HSPA4: variants seen among roughly 807,000 people sequenced by gnomAD.
HSPA4 encodes the protein heat shock 70 kDa protein 4.
Under a neutral mutation model 106.2 loss-of-function variants are expected in HSPA4, and 25 were observed. That is an observed-to-expected ratio of 0.24 (90% CI 0.17 to 0.33). The LOEUF is 0.33. Among genes scored for constraint, HSPA4 ranks in the 10% least tolerant of loss-of-function variants. HSPA4 has a pLI of 1.00. For missense variants in HSPA4, 841 were observed against 996.0 expected, an observed-to-expected ratio of 0.84 and a Z score of 2.10; for synonymous variants, 332 against 333.6, an observed-to-expected ratio of 1.00 and a Z score of 0.05.
At chr5:133,093,602 T>C (rs997530689) in intron 13 of HSPA4, among the ~76,000 whole-genome samples, 7 of 152,084 alleles carry the variant, frequency 4.6e-5, no homozygotes, top group Non-Finnish European at 8.8e-5. Flanking sequence ...GCGATTCTTA[T>C]GCCTCAGCCT....
chr5:133,059,845 T>G (rs55914434), intron 1 of HSPA4, among the ~76,000 whole-genome samples: 42,883 of 151,960 alleles, frequency 0.28, 6,544 homozygotes, highest in African/African-American at 0.38. Flanking sequence ...AAACAAGGGA[T>G]CTTGACCTGC....
At chr5:133,072,391 T>TG (rs1184676930) in intron 4 of HSPA4, among the ~76,000 whole-genome samples, 1 of 132,242 alleles carries the variant, frequency 7.6e-6, no homozygotes, top group Non-Finnish European at 1.6e-5. Context: ...GGTCCAGGGT[T>TG]GTTTTTTTTT....
In HSPA4 at chr5:133,097,228, A is replaced by T. The variant is rs1202758001; in HGVS notation, c.1871A>T (p.Tyr624Phe). ...GATGCTAAGAACGCAGTGGAGGAAT[A>T]TGTGTATGAAATGAGAGACAAGCTT... ...RNDAKNAVEEYVYEMRDKLSG... is the reference protein window; with the variant it reads ...RNDAKNAVEEFVYEMRDKLSG... The change falls in exon 15 of 19, where the codon TAT (tyrosine) becomes TTT (phenylalanine). Residue 624 changes from tyrosine (Y) to phenylalanine (F), a missense_variant. Tyr to Phe is a conservative substitution (Grantham distance 22). Around this residue, in one of 5 missense-constraint regions of HSPA4, gnomAD observed 328 missense variants for 372.2 expected, o/e 0.88. Coordinates refer to ENST00000304858, the MANE Select transcript of HSPA4 (RefSeq NM_002154.4). 2.7e-5 allele frequency: 43 copies of T among 1,612,526 alleles called. No individual in the cohort carries two copies. The highest frequency in any genetic ancestry group is 3.5e-5 in the Non-Finnish European group (41 of 1,178,792).
At chr5:133,084,739 A>T (rs1458856905) in intron 7 of HSPA4, among the ~76,000 whole-genome samples, 1 of 152,002 alleles carries the variant, frequency 6.6e-6, no homozygotes, top group East Asian at 1.9e-4. Flanking sequence ...CGAAGTGCTG[A>T]GTTTACAGGC....
chr5:133,071,207 C>G (rs892969876), intron 4 of HSPA4, among the ~76,000 whole-genome samples: 1 of 149,838 alleles, frequency 6.7e-6, no homozygotes, highest in African/African-American at 2.5e-5. Context: ...GTGGTTTAAT[C>G]CCAGCACTGT....
At position 133,101,730 on chromosome 5, in the gene HSPA4, G is replaced by A. The variant is rs143547650; in HGVS notation, c.2038-29G>A. The A allele has an allele frequency of 8.3e-3, 13,266 of 1,599,294 alleles. 58 individuals carry two copies. The highest frequency in any genetic ancestry group is 1.0e-2 in the Non-Finnish European group (11,701 of 1,173,896). ...CAGTACTCTGGATCGTTGAACTGCC[G>A]TATGAAGACTGTGTATTCTTCTGTT... is the stretch of plus-strand genomic sequence containing the variant. On this transcript the variant is annotated intron_variant, in intron 16 of 18. Coordinates refer to ENST00000304858, the MANE Select transcript of HSPA4 (RefSeq NM_002154.4).
Position 133,090,705 on chromosome 5 carries a change from C to A in HSPA4, c.1379-488C>A, listed in dbSNP as rs185641905. Among the ~76,000 whole-genome samples, 3 of 152,216 alleles carry A rather than the reference C, an allele frequency of 2.0e-5. No homozygotes were observed. In the East Asian group the frequency reaches 5.8e-4, roughly 29 times the overall value. On this transcript the variant is annotated intron_variant, in intron 11 of 18. Transcript: ENST00000304858. ...TATTCTTTTTTCCCCATCTGTAAAT[C>A]TGTAAAACCAGGAATAACAATGATA... is the stretch of plus-strand genomic sequence containing the variant.
intron 7 of HSPA4, among the ~76,000 whole-genome samples, chr5:133,078,708 T>C (rs979008054): frequency 2.6e-5 from 4 of 151,894 alleles, no homozygotes; most frequent in African/African-American, 9.7e-5. Flanking sequence ...ATGTTCTATA[T>C]TATAGCCTTC....
intron 13 of HSPA4, among the ~76,000 whole-genome samples, 196 bp downstream of exon 13, chr5:133,092,985 AT>A (rs537301370): frequency 0.11 from 14,246 of 131,964 alleles, 1,452 homozygotes; most frequent in East Asian, 0.3. Flanking sequence ...CACGGCAGCT[AT>A]TTTTTTTTTT....
intron 7 of HSPA4, among the ~76,000 whole-genome samples, chr5:133,082,666 A>G (rs1470100509): frequency 1.3e-5 from 2 of 152,016 alleles, no homozygotes; most frequent in African/African-American, 4.8e-5. Context: ...GGATTTTGCC[A>G]TATTGCTCAG....
chr5:133,079,718 C>T (rs527966614), intron 7 of HSPA4, among the ~76,000 whole-genome samples: 3 of 152,294 alleles, frequency 2.0e-5, no homozygotes, highest in South Asian at 2.1e-4. Flanking sequence ...CAGTGATTAT[C>T]CCCACCAGCG....
At chr5:133,053,359 C>T (rs542110653) in intron 1 of HSPA4, among the ~76,000 whole-genome samples, 12 of 123,342 alleles carry the variant, frequency 9.7e-5, no homozygotes, top group Non-Finnish European at 1.8e-4. Context: ...TTTTTTGAGA[C>T]AGACAGGGTC....
At chr5:133,062,552 C>G (rs1475390787) in intron 1 of HSPA4, among the ~76,000 whole-genome samples, 1 of 152,000 alleles carries the variant, frequency 6.6e-6, no homozygotes, top group African/African-American at 2.4e-5. Context: ...GAGACATTTA[C>G]GTGGTAGTGA....
At chr5:133,076,599 T>A (rs1765448524) in intron 6 of HSPA4, 55 bp from the exon 7 acceptor site, 7 of 1,503,264 alleles carry the variant, frequency 4.7e-6, no homozygotes, top group Admixed American at 1.8e-5. Context: ...ATATATATCA[T>A]CTGTTTCAAA....
At chr5:133,088,823 T>A (rs1765610503) in intron 9 of HSPA4, among the ~76,000 whole-genome samples, 1 of 152,168 alleles carries the variant, frequency 6.6e-6, no homozygotes, top group Non-Finnish European at 1.5e-5. Flanking sequence ...TATGAAATAG[T>A]GTACATTAAT....
intron 13 of HSPA4, 32 bp from the exon 14 acceptor site, chr5:133,096,066 G>C (rs753275428): frequency 1.2e-6 from 2 of 1,600,130 alleles, no homozygotes; most frequent in Non-Finnish European, 1.7e-6. Flanking sequence ...GTCTGTATAT[G>C]TGTTTGTTCT....
intron 4 of HSPA4, among the ~76,000 whole-genome samples, chr5:133,072,540 C>CA (rs1463034947): frequency 7.9e-5 from 12 of 151,608 alleles, no homozygotes; most frequent in Non-Finnish European, 1.8e-4. Flanking sequence ...AGGCATGTGC[C>CA]ACCACACCCA....
intron 13 of HSPA4, among the ~76,000 whole-genome samples, chr5:133,094,961 A>G (rs1248156264): frequency 6.6e-6 from 1 of 152,204 alleles, no homozygotes; most frequent in East Asian, 1.9e-4. Flanking sequence ...AGTAATCTCA[A>G]AGGAAAAGAT....
rs1765855381 is a variant in HSPA4 at position 133,106,101 on chromosome 5, AATTTTTTTTTTTTTTTTTTTTT to A, written c.*1666_*1687del. 1 of 80,226 alleles carries A rather than the reference AATTTTTTTTTTTTTTTTTTTTT, an allele frequency of 1.2e-5. No individual in the cohort carries two copies. The highest frequency in any genetic ancestry group is 5.0e-5 in the African/African-American group (1 of 19,820). The allele number at this position is 80,226 out of a possible 1,614,324, so 5.0% of individuals were successfully genotyped here. A position where few individuals can be genotyped will look rare whatever the true frequency, so the allele number is the denominator to read the frequency against. Reference sequence around the variant, plus strand: ...GGCCATTTCTTCTTAAAAAAAAAAAAATTTTTTTTTTTTTTTTTTTTTTTTTTTTTTTTTTTTTTGGTGTGTG... The same window carrying A: ...GGCCATTTCTTCTTAAAAAAAAAAAATTTTTTTTTTTTTTTTTGGTGTGTG... On this transcript the variant is annotated 3_prime_UTR_variant, in exon 19 of 19. Coordinates refer to ENST00000304858, the MANE Select transcript of HSPA4 (RefSeq NM_002154.4).
Sources: gnomAD v4.1 joint callset for allele counts (sites outside exome capture counted in the v4.1 genomes callset) on GRCh38, gnomAD v4.1.1 for gene constraint, gnomAD v4.1.1 regional missense constraint, MANE v1.5 for transcripts, NCBI Gene and HGNC (gene_info 2026-07-23, HGNC 2026-07-21) for gene names.